The following GRM8 variants were observed in gnomAD, a reference collection of about 807,000 sequenced individuals.
GRM8 encodes the protein glutamate metabotropic receptor 8, also known as metabotropic glutamate receptor 8.
GRM8 carries 47 observed loss-of-function variants against 87.2 expected under a neutral mutation model. The observed-to-expected ratio is 0.54, with a 90% CI of 0.43 to 0.69. GRM8 has a LOEUF of 0.69. Among genes scored for constraint, GRM8 ranks in the 30% least tolerant of loss-of-function variants. GRM8 has a pLI of 0.00. For synonymous variants in GRM8, 396 were observed against 404.5 expected, an observed-to-expected ratio of 0.98 and a Z score of 0.25; for missense variants, 1,019 against 1,139.2, an observed-to-expected ratio of 0.89 and a Z score of 1.52.
At chr7:126,858,884 T>C (rs1797910491) in intron 6 of GRM8, among the ~76,000 whole-genome samples, 1 of 152,232 alleles carries the variant, frequency 6.6e-6, no homozygotes, top group South Asian at 2.1e-4. Context: ...TTTCTGTTCC[T>C]TGAACAGGAC....
intron 3 of GRM8, among the ~76,000 whole-genome samples, chr7:127,002,111 G>A (rs1813788862): frequency 6.6e-6 from 1 of 151,600 alleles, no homozygotes; most frequent in Non-Finnish European, 1.5e-5. Flanking sequence ...TATCTTTATA[G>A]TGGTGGTGGT....
intron 3 of GRM8, among the ~76,000 whole-genome samples, chr7:127,087,234 C>A (rs1336466257): frequency 2.0e-5 from 3 of 152,196 alleles, no homozygotes; most frequent in Non-Finnish European, 2.9e-5. Context: ...CAACACCAAG[C>A]TGTGGGAGGG....
At chr7:126,536,127 A>G (rs1018600478) in intron 8 of GRM8, among the ~76,000 whole-genome samples, 5 of 152,230 alleles carry the variant, frequency 3.3e-5, no homozygotes, top group South Asian at 2.1e-4. Flanking sequence ...TTTCATTTTA[A>G]TATCAGTGTA....
At chr7:126,678,220 GA>G (rs1807195711) in intron 7 of GRM8, among the ~76,000 whole-genome samples, 2 of 152,048 alleles carry the variant, frequency 1.3e-5, no homozygotes, top group African/African-American at 4.8e-5. Flanking sequence ...GATTTACGCA[GA>G]TCTAAAAAAA....
intron 3 of GRM8, among the ~76,000 whole-genome samples, chr7:127,000,517 A>G (rs936746464): frequency 4.0e-5 from 6 of 151,758 alleles, no homozygotes; most frequent in Admixed American, 3.9e-4. Flanking sequence ...AAATATATAC[A>G]CTTACTATGT....
intron 6 of GRM8, among the ~76,000 whole-genome samples, chr7:126,888,907 G>T (rs2131064012): frequency 6.6e-6 from 1 of 152,224 alleles, no homozygotes; most frequent in Non-Finnish European, 1.5e-5. Flanking sequence ...TCACAGTGAT[G>T]TAAGCAAACA....
chr7:127,240,424 C>CA (rs11305864), intron 2 of GRM8, among the ~76,000 whole-genome samples: 1,614 of 141,350 alleles, frequency 0.011, 24 homozygotes, highest in African/African-American at 0.029. Flanking sequence ...GATTCTATGG[C>CA]AAAAAAAAAA....
chr7:126,787,703 C>T (rs1312602028), intron 6 of GRM8, among the ~76,000 whole-genome samples: 1 of 151,936 alleles, frequency 6.6e-6, no homozygotes, highest in Admixed American at 6.6e-5. Context: ...TGTTTCTGTT[C>T]TTTCTTACTT....
chr7:126,761,868 C>A (rs1817618441), intron 7 of GRM8, among the ~76,000 whole-genome samples: 1 of 152,200 alleles, frequency 6.6e-6, no homozygotes, highest in Non-Finnish European at 1.5e-5. Flanking sequence ...ATGTCACTTT[C>A]TATTTGTAAC....
intron 3 of GRM8, among the ~76,000 whole-genome samples, chr7:126,975,983 T>C (rs553005111): frequency 6.6e-6 from 1 of 152,140 alleles, no homozygotes; most frequent in Non-Finnish European, 1.5e-5. Context: ...TCAACCCAGA[T>C]GGACAAACAA....
At chr7:126,714,794 C>T (rs543485232) in intron 7 of GRM8, among the ~76,000 whole-genome samples, 5 of 151,802 alleles carry the variant, frequency 3.3e-5, no homozygotes, top group African/African-American at 7.3e-5. Flanking sequence ...CATATACAAT[C>T]GATTAACACA....
intron 9 of GRM8, among the ~76,000 whole-genome samples, chr7:126,530,402 C>T (rs1339216932): frequency 6.6e-6 from 1 of 152,236 alleles, no homozygotes; most frequent in Non-Finnish European, 1.5e-5. Context: ...TCTTCCCCCG[C>T]CCTTGAGCCT....
intron 7 of GRM8, among the ~76,000 whole-genome samples, chr7:126,759,395 T>TA (rs35102820): frequency 0.33 from 49,668 of 151,550 alleles, 8,485 homozygotes; most frequent in African/African-American, 0.38. Flanking sequence ...GTTCCATCAA[T>TA]AAAAAAAGTA....
intron 7 of GRM8, among the ~76,000 whole-genome samples, chr7:126,666,568 G>A (rs73720731): frequency 0.02 from 3,010 of 152,056 alleles, 74 homozygotes; most frequent in African/African-American, 0.056. Context: ...ATCCTACTGC[G>A]TCCAGCATGT....
chr7:126,753,834 G>T (rs999777322), intron 7 of GRM8, among the ~76,000 whole-genome samples: 2 of 151,824 alleles, frequency 1.3e-5, no homozygotes, highest in Non-Finnish European at 2.9e-5. Flanking sequence ...GCCATATAGT[G>T]TATTTTATTC....
At chr7:126,738,484 T>G (rs575689476) in intron 7 of GRM8, among the ~76,000 whole-genome samples, 1 of 152,056 alleles carries the variant, frequency 6.6e-6, no homozygotes, top group African/African-American at 2.4e-5. Context: ...CCAGGTTGGA[T>G]GCTGTTTAAC....
At chr7:126,657,384 A>G (rs1174938134) in intron 7 of GRM8, among the ~76,000 whole-genome samples, 1 of 152,220 alleles carries the variant, frequency 6.6e-6, no homozygotes, top group African/African-American at 2.4e-5. Context: ...AGAGCAGTGG[A>G]CACTGACATA....
intron 7 of GRM8, among the ~76,000 whole-genome samples, chr7:126,693,638 A>C (rs772608797): frequency 2.5e-4 from 38 of 152,194 alleles, no homozygotes; most frequent in Non-Finnish European, 5.1e-4. Flanking sequence ...TAAAAGTTTT[A>C]CATTACTTCT....
chr7:126,917,135 C>T (rs1157919888), intron 3 of GRM8, among the ~76,000 whole-genome samples: 1 of 152,132 alleles, frequency 6.6e-6, no homozygotes, highest in Non-Finnish European at 1.5e-5. Flanking sequence ...GCCACCATGC[C>T]TGGCTAATAT....
Sources: allele counts gnomAD v4.1 joint callset (sites outside exome capture counted in the v4.1 genomes callset), GRCh38; gene constraint gnomAD v4.1.1; transcripts MANE v1.5; gene names NCBI Gene and HGNC (gene_info 2026-07-23, HGNC 2026-07-21).